Variants in RIN2 observed in about 807,000 individuals in gnomAD.
RIN2 encodes the protein Ras and Rab interactor 2.
RIN2 carries 36 observed loss-of-function variants against 78.0 expected under a neutral mutation model. The observed-to-expected ratio is 0.46, with a 90% CI of 0.35 to 0.61. RIN2 has a LOEUF of 0.61. RIN2 is among the 20% of genes least tolerant of loss of function. RIN2 has a pLI of 0.00. For missense variants in RIN2, 1,087 were observed against 1,159.7 expected (o/e 0.94, Z 0.91); for synonymous variants, 466 against 466.8 (o/e 1.00, Z 0.02).
rs571559229 is a variant in RIN2 at position 19,901,994 on chromosome 20, C to T, written c.57+12336C>T. ...TGGCACCACTGCACTTCAGCCTGGG[C>T]GACAGAACGAGACTCTGTCTCAAAA... On this transcript the variant is annotated intron_variant, in intron 3 of 12. Transcript: ENST00000255006. Among the ~76,000 whole-genome samples, 54 of 119,742 alleles carry T rather than the reference C, an allele frequency of 4.5e-4. 1 individual carries two copies. Among genetic ancestry groups the T allele is most frequent in the Admixed American group, 3.6e-3 (32 of 8,876 alleles). 78.6% of individuals were successfully genotyped at this position (119,742 alleles called of 152,430 possible). A position where few individuals can be genotyped will look rare whatever the true frequency, so the allele number is the denominator to read the frequency against.
chr20:19,806,076 C>A (rs955855438), intron 2 of RIN2, among the ~76,000 whole-genome samples: 40 of 152,186 alleles, frequency 2.6e-4, no homozygotes, highest in Non-Finnish European at 5.7e-4. Context: ...GCATAGTATT[C>A]TATGGTGTAT....
chr20:19,829,933 G>C (rs149037867), intron 2 of RIN2, among the ~76,000 whole-genome samples: 3 of 152,218 alleles, frequency 2.0e-5, no homozygotes, highest in Admixed American at 2.0e-4. Context: ...GCCCATCTGC[G>C]TGGTAGAATC....
In RIN2 at chr20:19,975,551, C is replaced by A; in HGVS notation, c.1526C>A (p.Thr509Asn). 2 of 1,614,044 alleles carry A rather than the reference C, an allele frequency of 1.2e-6. No individual in the cohort carries two copies. Among genetic ancestry groups the A allele is most frequent in the Non-Finnish European group, 1.7e-6 (2 of 1,179,906 alleles). The change falls in exon 9 of 13, where the codon ACC becomes AAC. Residue 509 changes from threonine (T) to asparagine (N), a missense_variant. Coordinates refer to ENST00000255006, the MANE Select transcript of RIN2 (RefSeq NM_018993.4). The surrounding 1 kb of genome is among the most constrained non-coding windows in gnomAD (Gnocchi z 4.9). ...AGCGGGGTGTTCAGCTCCTTCATGA[C>A]CCCGGAGAAGCGGATGGTCCGCAGG... The part of the protein sequence containing the change: ...KVSGVFSSFM[T>N]PEKRMVRRIA...
intron 11 of RIN2, among the ~76,000 whole-genome samples, chr20:19,994,546 T>G (rs2042896768): frequency 6.6e-6 from 1 of 152,240 alleles, no homozygotes; most frequent in South Asian, 2.1e-4. Context: ...GTCAATTTTG[T>G]GCTTCCAGCA....
At chr20:19,967,612 T>C (rs1024934260) in intron 7 of RIN2, among the ~76,000 whole-genome samples, 8 of 151,956 alleles carry the variant, frequency 5.3e-5, no homozygotes, top group Admixed American at 3.3e-4. Context: ...AGAATACAAA[T>C]AGTGACTGCA....
chr20:19,948,421 G>C (rs1678771452), intron 4 of RIN2, among the ~76,000 whole-genome samples: 1 of 152,110 alleles, frequency 6.6e-6, no homozygotes, highest in Non-Finnish European at 1.5e-5. Context: ...TGGAGACGCA[G>C]TATCCATCTG....
chr20:19,893,766 C>T (rs1014665111), intron 3 of RIN2, among the ~76,000 whole-genome samples: 4 of 152,178 alleles, frequency 2.6e-5, no homozygotes, highest in African/African-American at 7.2e-5. Flanking sequence ...GTGGTATCTT[C>T]CTGCTCCACA....
intron 8 of RIN2, 85 bp from the exon 9 acceptor site, chr20:19,974,569 A>G: frequency 7.4e-7 from 1 of 1,349,232 alleles, no homozygotes; most frequent in Non-Finnish European, 1.0e-6. Context: ...TCGCGTTGTC[A>G]TGCAGTGTGC....
chr20:19,981,830 C>G (rs939445151), intron 9 of RIN2, among the ~76,000 whole-genome samples: 10 of 152,128 alleles, frequency 6.6e-5, no homozygotes, highest in South Asian at 2.1e-4. Context: ...GCCAACAATA[C>G]TTAAAACCAA....
chr20:19,804,634 A>T (rs1036489662), intron 2 of RIN2, among the ~76,000 whole-genome samples: 1 of 152,034 alleles, frequency 6.6e-6, no homozygotes, highest in Non-Finnish European at 1.5e-5. Flanking sequence ...ATCAATATTC[A>T]TCAGGGATAT....
At chr20:19,987,560 A>G (rs987573876) in intron 9 of RIN2, among the ~76,000 whole-genome samples, 2 of 152,234 alleles carry the variant, frequency 1.3e-5, no homozygotes, top group Admixed American at 6.5e-5. Flanking sequence ...TAATATTAGT[A>G]TTGTGCAAAA....
At chr20:19,966,824 G>A (rs1413616090) in intron 7 of RIN2, among the ~76,000 whole-genome samples, 1 of 152,146 alleles carries the variant, frequency 6.6e-6, no homozygotes, top group Non-Finnish European at 1.5e-5. Flanking sequence ...CATGATTTGG[G>A]CAGGATCTCT....
intron 11 of RIN2, among the ~76,000 whole-genome samples, chr20:19,995,456 C>T (rs114831370): frequency 4.6e-5 from 7 of 152,122 alleles, no homozygotes; most frequent in African/African-American, 1.4e-4. Flanking sequence ...ACATTCAGGG[C>T]GACCCCTAGT....
At chr20:19,795,345 C>G (rs775156848) in intron 1 of RIN2, among the ~76,000 whole-genome samples, 7 of 152,076 alleles carry the variant, frequency 4.6e-5, no homozygotes, top group Non-Finnish European at 8.8e-5. Context: ...AGTTTTGTGT[C>G]TATTTTTTAG....
At chr20:19,820,560 G>C (rs1600533218) in intron 2 of RIN2, among the ~76,000 whole-genome samples, 1 of 152,296 alleles carries the variant, frequency 6.6e-6, no homozygotes, top group East Asian at 1.9e-4. Context: ...GTCTGTTTCT[G>C]GGTCCTGTGG....
chr20:19,830,071 T>A (rs988547852), intron 2 of RIN2, among the ~76,000 whole-genome samples: 1 of 152,202 alleles, frequency 6.6e-6, no homozygotes, highest in African/African-American at 2.4e-5. Flanking sequence ...CGGATTGTGA[T>A]CAAAAGATTT....
At chr20:19,900,103 T>A (rs2038914368) in intron 3 of RIN2, among the ~76,000 whole-genome samples, 1 of 152,220 alleles carries the variant, frequency 6.6e-6, no homozygotes. Flanking sequence ...CCAATTCTTG[T>A]CATGCAAGAA....
chr20:19,759,361 C>T (rs953992076), intron 1 of RIN2, among the ~76,000 whole-genome samples: 1 of 152,024 alleles, frequency 6.6e-6, no homozygotes, highest in Admixed American at 6.5e-5. Context: ...GAGTACTCTT[C>T]GACCAAAAGG....
At chr20:19,846,958 C>G (rs2036805314) in intron 2 of RIN2, among the ~76,000 whole-genome samples, 1 of 152,168 alleles carries the variant, frequency 6.6e-6, no homozygotes, top group Non-Finnish European at 1.5e-5. Flanking sequence ...GCTCACAGAC[C>G]TTTTGATTTT....
Sources: gnomAD v4.1 joint callset for allele counts (sites outside exome capture counted in the v4.1 genomes callset) on GRCh38, gnomAD v4.1.1 for gene constraint, Gnocchi (gnomAD v3.1) non-coding constraint, MANE v1.5 for transcripts, NCBI Gene and HGNC (gene_info 2026-07-23, HGNC 2026-07-21) for gene names.